The following CACNA2D1 variants were observed in gnomAD, a reference collection of about 807,000 sequenced individuals.
CACNA2D1 encodes the protein voltage-dependent calcium channel subunit alpha-2/delta-1.
A neutral mutation model predicts 171.5 loss-of-function variants in CACNA2D1; 53 were observed. That is an observed-to-expected ratio of 0.31 (90% CI 0.25 to 0.39). The LOEUF (loss-of-function observed/expected upper bound fraction) is 0.39, where lower values mean the gene tolerates loss of function less well. Among genes scored for constraint, CACNA2D1 ranks in the 10% least tolerant of loss-of-function variants. The pLI is 1.00. For missense variants in CACNA2D1, 903 were observed against 1,299.8 expected (o/e 0.69, Z 4.69); for synonymous variants, 442 against 443.1 (o/e 1.00, Z 0.03).
At chr7:82,244,979 A>G (rs981478817) in intron 3 of CACNA2D1, among the ~76,000 whole-genome samples, 3 of 152,236 alleles carry the variant, frequency 2.0e-5, no homozygotes, top group African/African-American at 7.2e-5. Flanking sequence ...CCACTGCTGC[A>G]GACAATTGCA....
intron 9 of CACNA2D1, among the ~76,000 whole-genome samples, chr7:82,062,598 CTTT>C (rs34862731): frequency 7.1e-5 from 10 of 141,788 alleles, no homozygotes; most frequent in African/African-American, 2.5e-4. Flanking sequence ...GGTACTATGT[CTTT>C]TTTTTTTTTT....
intron 1 of CACNA2D1, among the ~76,000 whole-genome samples, chr7:82,393,651 G>C (rs1315898733): frequency 1.3e-5 from 2 of 152,098 alleles, no homozygotes; most frequent in African/African-American, 4.8e-5. Context: ...CCCTACCAGT[G>C]ACTAAGCTCT....
At chr7:81,988,530 G>GT (rs1188564585) in intron 21 of CACNA2D1, among the ~76,000 whole-genome samples, 1 of 152,132 alleles carries the variant, frequency 6.6e-6, no homozygotes, top group Non-Finnish European at 1.5e-5. Context: ...AAGCTTATGT[G>GT]TATGTTCTGG....
chr7:82,024,596 T>C (rs1438237730), intron 12 of CACNA2D1, among the ~76,000 whole-genome samples: 1 of 151,698 alleles, frequency 6.6e-6, no homozygotes, highest in African/African-American at 2.4e-5. Flanking sequence ...CCAAAAGTTG[T>C]CTTTATAGCT....
intron 1 of CACNA2D1, among the ~76,000 whole-genome samples, chr7:82,365,545 C>A (rs2129447686): frequency 6.6e-6 from 1 of 152,274 alleles, no homozygotes; most frequent in Non-Finnish European, 1.5e-5. Context: ...GTAAGGGATT[C>A]AAATAACATT....
chr7:82,060,190 T>TATATATTA (rs1491114373), intron 10 of CACNA2D1, among the ~76,000 whole-genome samples: 3 of 13,132 alleles, frequency 2.3e-4, no homozygotes, highest in African/African-American at 4.3e-4. Flanking sequence ...TATATATATA[T>TATATATTA]TATATATATA....
intron 3 of CACNA2D1, among the ~76,000 whole-genome samples, chr7:82,254,202 A>G (rs1368677219): frequency 6.6e-6 from 1 of 152,160 alleles, no homozygotes; most frequent in Non-Finnish European, 1.5e-5. Context: ...TATAAAACAA[A>G]CAAAATAACT....
At chr7:82,347,977 C>T (rs1047719385) in intron 2 of CACNA2D1, among the ~76,000 whole-genome samples, 1 of 151,944 alleles carries the variant, frequency 6.6e-6, no homozygotes, top group Non-Finnish European at 1.5e-5. Context: ...AAAAGTTTCA[C>T]ATATTAACAC....
chr7:82,407,563 C>A (rs1171159152), intron 1 of CACNA2D1, among the ~76,000 whole-genome samples: 2 of 152,052 alleles, frequency 1.3e-5, no homozygotes, highest in Admixed American at 6.6e-5. Context: ...ATTATAAATT[C>A]ATGAAGATTT....
intron 3 of CACNA2D1, among the ~76,000 whole-genome samples, chr7:82,176,711 A>C (rs2129160786): frequency 6.6e-6 from 1 of 151,892 alleles, no homozygotes; most frequent in East Asian, 1.9e-4. Context: ...TAGGACAAGA[A>C]GCCTAGTGTG....
intron 4 of CACNA2D1, among the ~76,000 whole-genome samples, chr7:82,150,289 A>AAC (rs1554432550): frequency 7.2e-6 from 1 of 139,616 alleles, no homozygotes; most frequent in Non-Finnish European, 1.5e-5. Context: ...CAACAAAAAA[A>AAC]AACACCCTAG....
chr7:82,078,094 CAAG>C (rs1421338276), intron 7 of CACNA2D1, among the ~76,000 whole-genome samples: 2 of 151,972 alleles, frequency 1.3e-5, no homozygotes, highest in African/African-American at 2.4e-5. Flanking sequence ...GAAATAGCAA[CAAG>C]AAGATGTCTC....
At chr7:82,240,735 G>A (rs909431713) in intron 3 of CACNA2D1, among the ~76,000 whole-genome samples, 1 of 152,090 alleles carries the variant, frequency 6.6e-6, no homozygotes, top group Admixed American at 6.5e-5. Flanking sequence ...TTGGGAGGAC[G>A]AGGCGGGCGG....
intron 7 of CACNA2D1, among the ~76,000 whole-genome samples, chr7:82,081,366 GA>G (rs1161309327): frequency 6.6e-6 from 1 of 152,074 alleles, no homozygotes. Flanking sequence ...TACAAAAACA[GA>G]AACACAATCG....
At chr7:81,955,540 T>C (rs1275463870) in intron 38 of CACNA2D1, among the ~76,000 whole-genome samples, 2 of 151,972 alleles carry the variant, frequency 1.3e-5, no homozygotes, top group Non-Finnish European at 2.9e-5. Flanking sequence ...ATTTTGTTAA[T>C]GTAAAATATA....
intron 1 of CACNA2D1, among the ~76,000 whole-genome samples, chr7:82,374,019 C>T (rs1452018907): frequency 6.6e-6 from 1 of 152,202 alleles, no homozygotes; most frequent in East Asian, 1.9e-4. Flanking sequence ...GGGAAGGCTT[C>T]CTTCTGTTGC....
At chr7:82,299,323 G>C (rs915889973) in intron 3 of CACNA2D1, among the ~76,000 whole-genome samples, 2 of 152,010 alleles carry the variant, frequency 1.3e-5, no homozygotes, top group African/African-American at 4.8e-5. Context: ...TTTGCAATCA[G>C]CATTTTCTCA....
intron 38 of CACNA2D1, among the ~76,000 whole-genome samples, chr7:81,955,428 G>GAAAATAATACTTCCTTTGATATCATTATA (rs1793119857): frequency 6.6e-6 from 1 of 151,982 alleles, no homozygotes; most frequent in Non-Finnish European, 1.5e-5. Context: ...TTGTTTCAGA[G>GAAAATAATACTTCCTTTGATATCATTATA]AAAATAATAC....
At chr7:82,113,716 C>T (rs552141902) in intron 6 of CACNA2D1, among the ~76,000 whole-genome samples, 87 of 152,268 alleles carry the variant, frequency 5.7e-4, no homozygotes, top group Admixed American at 4.0e-3. Context: ...CGAGAACAAT[C>T]CTCTAAATCG....
Sources: gnomAD v4.1 joint callset for allele counts (sites outside exome capture counted in the v4.1 genomes callset) on GRCh38, gnomAD v4.1.1 for gene constraint, MANE v1.5 for transcripts, NCBI Gene and HGNC (gene_info 2026-07-23, HGNC 2026-07-21) for gene names.